Variants in CEP128 observed in about 807,000 individuals in gnomAD.
CEP128 encodes centrosomal protein 128kDa.
In CEP128, 132 loss-of-function variants were observed where a neutral mutation model predicts 156.7. That is an observed-to-expected ratio of 0.84 (90% CI 0.73 to 0.97). CEP128 has a LOEUF of 0.97. Ranked by LOEUF, CEP128 falls within the 50% of genes least tolerant of loss-of-function variation. CEP128 has a pLI of 0.00. For missense variants in CEP128, 1,252 were observed against 1,281.9 expected (o/e 0.98, Z 0.36); for synonymous variants, 469 against 448.9 (o/e 1.04, Z -0.57).
intron 23 of CEP128, among the ~76,000 whole-genome samples, chr14:80,513,144 T>C (rs1393030722): frequency 6.6e-6 from 1 of 152,170 alleles, no homozygotes; most frequent in Non-Finnish European, 1.5e-5. Flanking sequence ...TTAGCATTTG[T>C]TATAGGACAG....
In CEP128 at chr14:80,801,908, CCCAAAAAAAAA is replaced by C. The variant is rs1252127254; in HGVS notation, c.1210-8809_1210-8799del. The stretch of plus-strand genomic sequence containing the variant: ...GGGTGACAGTGTGAGACTCTGTCTC[CCCAAAAAAAAA>C]AAAAAAAAAAAAAAAAAAGCTCAAC... On this transcript the variant is annotated intron_variant, in intron 13 of 24. Coordinates refer to ENST00000555265, the MANE Select transcript of CEP128 (RefSeq NM_152446.5). 2.1e-4 allele frequency among the ~76,000 whole-genome samples: 4 copies of C among 18,714 alleles called. No individual in the cohort carries two copies. The East Asian group carries it at 7.8e-3, about 36-fold the overall frequency. 12.3% of individuals were successfully genotyped at this position (18,714 alleles called of 152,430 possible).
chr14:80,626,441 G>A lies in CEP128; in HGVS notation c.2807-46018C>T, dbSNP rs901831552. 2.7e-4 allele frequency among the ~76,000 whole-genome samples: 37 copies of A among 136,324 alleles called. No individual in the cohort carries two copies. The South Asian group carries it at 4.5e-3, about 16-fold the overall frequency. 89.4% of individuals were successfully genotyped at this position (136,324 alleles called of 152,430 possible). On this transcript the variant is annotated intron_variant, in intron 19 of 24. Transcript: ENST00000555265. ...ATTGCGCCACTGCAGTCCACAGTCCGGCCTGGGCGACAGAGCGAGACTCCG... is the reference window on the plus strand; with the variant it reads ...ATTGCGCCACTGCAGTCCACAGTCCAGCCTGGGCGACAGAGCGAGACTCCG...
chr14:80,916,921 C>T (rs1047142827), intron 2 of CEP128, among the ~76,000 whole-genome samples: 1 of 152,190 alleles, frequency 6.6e-6, no homozygotes, highest in Non-Finnish European at 1.5e-5. Flanking sequence ...GAGAAAAACA[C>T]AGATATTCTC....
exon 15 of CEP128, chr14:80,478,072 C>G (rs1362202010): frequency 6.6e-6 from 1 of 152,092 alleles, no homozygotes; most frequent in Non-Finnish European, 1.5e-5. Flanking sequence ...TTTTTCCCCC[C>G]TTTTTTCTGC....
intron 19 of CEP128, among the ~76,000 whole-genome samples, chr14:80,586,895 A>G (rs1891842615): frequency 6.6e-6 from 1 of 152,248 alleles, no homozygotes; most frequent in African/African-American, 2.4e-5. Context: ...TATACTAGTA[A>G]AGAAAAATTG....
chr14:80,878,714 G>A (rs1888395419), intron 8 of CEP128, among the ~76,000 whole-genome samples: 1 of 152,156 alleles, frequency 6.6e-6, no homozygotes, highest in Admixed American at 6.5e-5. Context: ...CCCTGGGCCT[G>A]AGCTACCAGG....
intron 8 of CEP128, among the ~76,000 whole-genome samples, chr14:80,885,791 C>T (rs577773350): frequency 2.2e-4 from 33 of 152,138 alleles, no homozygotes; most frequent in Admixed American, 4.6e-4. Context: ...GACAAATTGA[C>T]GGAAGTAGGC....
intron 19 of CEP128, among the ~76,000 whole-genome samples, chr14:80,715,634 A>G (rs1595271691): frequency 6.6e-6 from 1 of 152,208 alleles, no homozygotes; most frequent in African/African-American, 2.4e-5. Context: ...AAAAGACCCA[A>G]GGCAAAAAAT....
chr14:80,698,821 C>T (rs1377373864), intron 19 of CEP128, among the ~76,000 whole-genome samples: 1 of 152,056 alleles, frequency 6.6e-6, no homozygotes, highest in Non-Finnish European at 1.5e-5. Flanking sequence ...TTAAGTTAAG[C>T]ATTATACAAT....
intron 16 of CEP128, 55 bp from the exon 17 acceptor site, chr14:80,761,668 A>T: frequency 3.2e-6 from 4 of 1,247,178 alleles, no homozygotes; most frequent in Non-Finnish European, 3.4e-6. Context: ...GAGGCAAGAA[A>T]ATACTTGTAA....
chr14:80,669,952 G>C (rs1370608824), intron 19 of CEP128, among the ~76,000 whole-genome samples: 1 of 152,272 alleles, frequency 6.6e-6, no homozygotes, highest in East Asian at 1.9e-4. Flanking sequence ...CTTCTGGGGA[G>C]GCCTCAGGAA....
intron 19 of CEP128, among the ~76,000 whole-genome samples, chr14:80,729,127 G>GTGTGTGTT (rs1222842349): frequency 8.7e-6 from 1 of 115,036 alleles, no homozygotes; most frequent in Admixed American, 9.4e-5. Context: ...GTGTGTGTGT[G>GTGTGTGTT]TTTACCCAGT....
intron 13 of CEP128, among the ~76,000 whole-genome samples, chr14:80,806,447 T>A (rs769828637): frequency 6.6e-6 from 1 of 152,198 alleles, no homozygotes; most frequent in African/African-American, 2.4e-5. Flanking sequence ...AATTAACATC[T>A]AGGCCTCAGT....
intron 19 of CEP128, among the ~76,000 whole-genome samples, chr14:80,608,007 G>A (rs962526962): frequency 1.3e-5 from 2 of 152,066 alleles, no homozygotes; most frequent in Non-Finnish European, 2.9e-5. Flanking sequence ...CATTAACATC[G>A]CCTCAGGGCC....
intron 19 of CEP128, among the ~76,000 whole-genome samples, chr14:80,724,932 CTA>C (rs57931334): frequency 6.8e-5 from 10 of 146,602 alleles, no homozygotes; most frequent in African/African-American, 1.7e-4. Context: ...TGGGCACCTA[CTA>C]TATATATATA....
At chr14:80,846,344 G>A (rs374073575) in intron 9 of CEP128, among the ~76,000 whole-genome samples, 3 of 152,102 alleles carry the variant, frequency 2.0e-5, no homozygotes, top group Non-Finnish European at 4.4e-5. Flanking sequence ...GGATTAAGTA[G>A]AATAAAGAGA....
At chr14:80,930,651 C>G (rs944853999) in intron 2 of CEP128, among the ~76,000 whole-genome samples, 3 of 152,186 alleles carry the variant, frequency 2.0e-5, no homozygotes, top group African/African-American at 7.2e-5. Context: ...TGCAATAAAG[C>G]CACGAAACCT....
rs1008132063 is a variant in CEP128, at chr14:80,794,168, T to C, written c.1210-1058A>G. On this transcript the variant is annotated intron_variant, in intron 13 of 24. Coordinates refer to ENST00000555265, the MANE Select transcript of CEP128 (RefSeq NM_152446.5). Reference sequence around the variant, plus strand: ...GATAAACAATAAATAACATCTCCACTGTACTAAGGTCCGGACAAATGAAAC... The same window carrying C: ...GATAAACAATAAATAACATCTCCACCGTACTAAGGTCCGGACAAATGAAAC... 2.0e-5 allele frequency among the ~76,000 whole-genome samples: 3 copies of C among 152,172 alleles called. No homozygotes were observed. In the East Asian group the frequency reaches 5.8e-4, roughly 29 times the overall value.
chr14:80,868,454 C>A (rs1329001563), intron 8 of CEP128, among the ~76,000 whole-genome samples: 1 of 151,956 alleles, frequency 6.6e-6, no homozygotes, highest in Non-Finnish European at 1.5e-5. Context: ...TGTTACAAGA[C>A]ATTTTATGTA....
Sources: allele counts gnomAD v4.1 joint callset (sites outside exome capture counted in the v4.1 genomes callset), GRCh38; gene constraint gnomAD v4.1.1; transcripts MANE v1.5; gene names NCBI Gene and HGNC (gene_info 2026-07-23, HGNC 2026-07-21).